Variants in CHM observed in about 807,000 individuals in gnomAD.
CHM encodes the protein CHM Rab escort protein.
Under a neutral mutation model 49.0 loss-of-function variants are expected in CHM, and 10 were observed. That is an observed-to-expected ratio of 0.20 (90% confidence interval 0.13 to 0.35). The LOEUF (loss-of-function observed/expected upper bound fraction) is 0.35, where lower values mean the gene tolerates loss of function less well. CHM is among the 10% of genes least tolerant of loss of function. The pLI, the probability that CHM is intolerant of heterozygous loss-of-function variation, is 1.00. For missense variants in CHM, 455 were observed against 478.4 expected (o/e 0.95, Z 0.46); for synonymous variants, 184 against 167.5 (o/e 1.10, Z -0.76).
chrX:86,004,788 A>G (rs1932818078), intron 2 of CHM, among the ~76,000 whole-genome samples: 1 of 111,425 alleles, frequency 9.0e-6, no homozygotes, highest in Non-Finnish European at 1.9e-5. Flanking sequence ...CTACAAAGAG[A>G]CTTAGACTCC....
chrX:85,996,113 G>C (rs779292869), intron 2 of CHM, among the ~76,000 whole-genome samples: 1 of 111,797 alleles, frequency 8.9e-6, no homozygotes, highest in Non-Finnish European at 1.9e-5. Context: ...AGAAGAGAAA[G>C]AGCCATTTTA....
At chrX:85,891,722 A>C (rs1454262144) in intron 12 of CHM, among the ~76,000 whole-genome samples, 4 of 112,469 alleles carry the variant, frequency 3.6e-5, no homozygotes, top group Non-Finnish European at 7.5e-5. Flanking sequence ...TGGAGGCCCC[A>C]TACAGAGCCC....
At chrX:85,965,350 C>T (rs984022326) in intron 4 of CHM, among the ~76,000 whole-genome samples, 3 of 112,196 alleles carry the variant, frequency 2.7e-5, no homozygotes, top group African/African-American at 9.7e-5. Context: ...CCATAATACA[C>T]ATATGCAGTT....
At chrX:86,027,452 T>C (rs750335298) in intron 2 of CHM, 39 bp downstream of exon 2, 2 of 1,086,515 alleles carry the variant, frequency 1.8e-6, no homozygotes, top group Non-Finnish European at 2.6e-6. Flanking sequence ...TGTATAGAGA[T>C]ATTTAGGAAA....
chrX:86,008,376 G>A (rs1266906347), intron 2 of CHM, among the ~76,000 whole-genome samples: 1 of 110,662 alleles, frequency 9.0e-6, no homozygotes, highest in Non-Finnish European at 1.9e-5. Flanking sequence ...CCTGCACGTT[G>A]TGTACATGTA....
chrX:86,011,772 GC>G (rs1369752241), intron 2 of CHM, among the ~76,000 whole-genome samples: 1 of 111,627 alleles, frequency 9.0e-6, no homozygotes, highest in Admixed American at 9.6e-5. Flanking sequence ...AAATGGGGAG[GC>G]AAAAAATTCA....
intron 4 of CHM, among the ~76,000 whole-genome samples, chrX:85,974,740 A>T (rs1002204973): frequency 9.3e-5 from 10 of 107,291 alleles, no homozygotes; most frequent in Admixed American, 4.0e-4. Context: ...AACTATAATT[A>T]AAAAAAAAAG....
chrX:85,876,035 A>C, intron 13 of CHM, among the ~76,000 whole-genome samples: 1 of 111,971 alleles, frequency 8.9e-6, no homozygotes, highest in East Asian at 2.8e-4. Context: ...ACAACAACAA[A>C]AAATCCAATT....
chrX:85,915,296 C>T (rs758379196), intron 8 of CHM, among the ~76,000 whole-genome samples: 1 of 111,735 alleles, frequency 8.9e-6, no homozygotes, highest in African/African-American at 3.3e-5. Flanking sequence ...ATTGAAGGAA[C>T]ATGGCTCAAA....
intron 14 of CHM, among the ~76,000 whole-genome samples, chrX:85,867,577 C>T (rs189829800): frequency 2.9e-4 from 33 of 112,070 alleles, no homozygotes; most frequent in African/African-American, 1.0e-3. Flanking sequence ...GATAGAATTT[C>T]CATTCCCTGG....
intron 12 of CHM, among the ~76,000 whole-genome samples, chrX:85,882,903 A>G (rs1924848267): frequency 9.0e-6 from 1 of 110,927 alleles, no homozygotes; most frequent in Non-Finnish European, 1.9e-5. Flanking sequence ...TCAGCTCTCT[A>G]TATCTACTTG....
At chrX:85,941,495 T>G (rs1258199091) in intron 8 of CHM, among the ~76,000 whole-genome samples, 9 of 111,990 alleles carry the variant, frequency 8.0e-5, no homozygotes, top group Non-Finnish European at 1.7e-4. Flanking sequence ...AAATACTTAG[T>G]GCATGACTAA....
intron 1 of CHM, among the ~76,000 whole-genome samples, chrX:86,029,396 G>A (rs1441908444): frequency 1.8e-5 from 2 of 111,577 alleles, no homozygotes; most frequent in Admixed American, 9.6e-5. Flanking sequence ...AAGGATAATG[G>A]CAAAGAAATA....
chrX:85,995,974 G>C (rs1046794715), intron 2 of CHM, among the ~76,000 whole-genome samples: 4 of 111,929 alleles, frequency 3.6e-5, no homozygotes, highest in African/African-American at 1.3e-4. Context: ...TTTATCTAAA[G>C]AGACAATTTC....
At chrX:86,004,983 C>A (rs1310076592) in intron 2 of CHM, among the ~76,000 whole-genome samples, 1 of 112,238 alleles carries the variant, frequency 8.9e-6, no homozygotes, top group Non-Finnish European at 1.9e-5. Flanking sequence ...TCACATCGCA[C>A]TTATTCCAAA....
chrX:85,903,343 T>C (rs1352070452), intron 9 of CHM, among the ~76,000 whole-genome samples: 2 of 111,155 alleles, frequency 1.8e-5, no homozygotes, highest in Non-Finnish European at 3.8e-5. Flanking sequence ...GACCTGAGTG[T>C]AAGTCTTTAA....
intron 8 of CHM, among the ~76,000 whole-genome samples, chrX:85,934,554 GA>G (rs1490675456): frequency 9.4e-6 from 1 of 106,723 alleles, no homozygotes; most frequent in Non-Finnish European, 1.9e-5. Context: ...CTGTCCTTGC[GA>G]TAGTTTGCTC....
intron 9 of CHM, among the ~76,000 whole-genome samples, chrX:85,904,099 A>G (rs187194360): frequency 4.5e-5 from 5 of 112,002 alleles, no homozygotes; most frequent in African/African-American, 6.5e-5. Flanking sequence ...CATATAAAAA[A>G]TTAGATGACA....
chrX:85,923,844 T>A (rs1165735045), intron 8 of CHM, among the ~76,000 whole-genome samples: 2 of 110,807 alleles, frequency 1.8e-5, no homozygotes, highest in Non-Finnish European at 3.8e-5. Context: ...GAGACCTGAA[T>A]GATCAGAAGA....
Sources: allele counts gnomAD v4.1 joint callset (sites outside exome capture counted in the v4.1 genomes callset), GRCh38; gene constraint gnomAD v4.1.1; transcripts MANE v1.5; gene names NCBI Gene and HGNC (gene_info 2026-07-23, HGNC 2026-07-21).